Variants in SGCZ observed in about 807,000 individuals in gnomAD.
The protein encoded by SGCZ is zeta-sarcoglycan.
In SGCZ, 40 loss-of-function variants were observed where a neutral mutation model predicts 41.3. The ratio of observed to expected loss-of-function variants is 0.97; its 90% confidence interval spans 0.75 to 1.26. The LOEUF (loss-of-function observed/expected upper bound fraction) is 1.26, where lower values mean the gene tolerates loss of function less well. Among genes scored for constraint, SGCZ ranks in the 50% most tolerant of loss-of-function variants. The probability of loss-of-function intolerance (pLI) is 0.00; values close to 1 mark genes in which losing one functional copy is unlikely to be tolerated. For synonymous variants in SGCZ, 206 were observed against 137.5 expected (o/e 1.50, Z -3.49); for missense variants, 552 against 369.8 (o/e 1.49, Z -4.04).
At chr8:14,928,661 A>G (rs890941115) in intron 1 of SGCZ, among the ~76,000 whole-genome samples, 46 of 152,200 alleles carry the variant, frequency 3.0e-4, no homozygotes, top group African/African-American at 1.1e-3. Context: ...GTGGAAAATT[A>G]TTCCATTGTA....
chr8:14,515,731 A>G (rs1252017910), intron 2 of SGCZ, among the ~76,000 whole-genome samples: 1 of 152,110 alleles, frequency 6.6e-6, no homozygotes, highest in Non-Finnish European at 1.5e-5. Context: ...TTGAAATTCA[A>G]GGTGAACACT....
chr8:14,172,130 T>A (rs1804401461), intron 4 of SGCZ, among the ~76,000 whole-genome samples: 1 of 152,170 alleles, frequency 6.6e-6, no homozygotes, highest in Non-Finnish European at 1.5e-5. Flanking sequence ...AGCTCTTATA[T>A]AACAAATGAT....
At chr8:14,227,019 G>C (rs1384440140) in intron 4 of SGCZ, among the ~76,000 whole-genome samples, 1 of 151,988 alleles carries the variant, frequency 6.6e-6, no homozygotes, top group African/African-American at 2.4e-5. Flanking sequence ...GTGTGCTTTA[G>C]GTAGCTGATA....
chr8:15,196,013 T>C (rs1293853852), intron 1 of SGCZ, among the ~76,000 whole-genome samples: 1 of 142,068 alleles, frequency 7.0e-6, no homozygotes, highest in Non-Finnish European at 1.5e-5. Context: ...TTCTCCTGCC[T>C]CAGCCTCCCG....
chr8:14,620,693 C>G (rs1481425642), intron 1 of SGCZ, among the ~76,000 whole-genome samples: 1 of 152,194 alleles, frequency 6.6e-6, no homozygotes, highest in Non-Finnish European at 1.5e-5. Flanking sequence ...AAAAAATGCT[C>G]ATCATCACTT....
chr8:15,107,617 C>T (rs1563129604), intron 1 of SGCZ, among the ~76,000 whole-genome samples: 2 of 152,164 alleles, frequency 1.3e-5, no homozygotes, highest in African/African-American at 2.4e-5. Flanking sequence ...TCTTGAACTT[C>T]CCAGCCTGCA....
At chr8:14,794,260 C>G (rs2130478833) in intron 1 of SGCZ, among the ~76,000 whole-genome samples, 1 of 152,028 alleles carries the variant, frequency 6.6e-6, no homozygotes. Flanking sequence ...CCAAAGAAAA[C>G]AGTAAATAGT....
At chr8:15,226,070 C>T (rs1292226234) in intron 1 of SGCZ, among the ~76,000 whole-genome samples, 1 of 152,120 alleles carries the variant, frequency 6.6e-6, no homozygotes, top group African/African-American at 2.4e-5. Flanking sequence ...ATTACAAAGA[C>T]GTCTAAGCAA....
intron 1 of SGCZ, among the ~76,000 whole-genome samples, chr8:15,066,176 C>T (rs1159323523): frequency 6.6e-6 from 1 of 151,758 alleles, no homozygotes; most frequent in Non-Finnish European, 1.5e-5. Context: ...GGCGCGGTGG[C>T]GGGCGCCTGT....
chr8:14,343,881 A>G (rs532335305), intron 2 of SGCZ, among the ~76,000 whole-genome samples: 4 of 152,272 alleles, frequency 2.6e-5, no homozygotes, highest in African/African-American at 9.6e-5. Context: ...AATTAGTACT[A>G]AAGGGGAAAA....
At chr8:14,485,927 C>A (rs939110400) in intron 2 of SGCZ, among the ~76,000 whole-genome samples, 2 of 146,856 alleles carry the variant, frequency 1.4e-5, no homozygotes. Flanking sequence ...CTGCAAGCTC[C>A]GCTTCCCGGG....
intron 1 of SGCZ, among the ~76,000 whole-genome samples, chr8:15,179,092 C>T (rs186131572): frequency 6.5e-4 from 99 of 152,056 alleles, no homozygotes; most frequent in Non-Finnish European, 1.2e-3. Context: ...TTGCTGGGAA[C>T]AAACCTTCAG....
At chr8:14,127,593 C>G (rs910913242) in intron 5 of SGCZ, among the ~76,000 whole-genome samples, 5 of 151,826 alleles carry the variant, frequency 3.3e-5, no homozygotes, top group Admixed American at 6.6e-5. Flanking sequence ...GTAGCTGGGA[C>G]TACAGGCACC....
At chr8:14,956,856 A>T (rs1800810390) in intron 1 of SGCZ, among the ~76,000 whole-genome samples, 1 of 152,190 alleles carries the variant, frequency 6.6e-6, no homozygotes, top group South Asian at 2.1e-4. Flanking sequence ...ACTTTTTAGA[A>T]AGAGTAATGA....
At chr8:14,321,508 T>C (rs540509841) in intron 3 of SGCZ, among the ~76,000 whole-genome samples, 2 of 151,254 alleles carry the variant, frequency 1.3e-5, no homozygotes, top group Non-Finnish European at 3.0e-5. Context: ...TTATTATCTT[T>C]CCATGTGTAG....
intron 2 of SGCZ, among the ~76,000 whole-genome samples, chr8:14,513,323 C>T (rs1802518982): frequency 6.6e-6 from 1 of 152,070 alleles, no homozygotes. Flanking sequence ...CAAGCATGAG[C>T]CACAGTGCCA....
At chr8:14,230,446 A>G (rs144408150) in intron 4 of SGCZ, among the ~76,000 whole-genome samples, 1 of 152,222 alleles carries the variant, frequency 6.6e-6, no homozygotes, top group African/African-American at 2.4e-5. Flanking sequence ...AAATACTCAT[A>G]TTCCCCACAG....
At chr8:14,490,080 C>T (rs551185723) in intron 2 of SGCZ, among the ~76,000 whole-genome samples, 1 of 152,130 alleles carries the variant, frequency 6.6e-6, no homozygotes, top group Admixed American at 6.6e-5. Flanking sequence ...GTTGGTCAGG[C>T]TGGTCTCAAA....
At chr8:15,170,737 T>C (rs1203545301) in intron 1 of SGCZ, among the ~76,000 whole-genome samples, 1 of 152,238 alleles carries the variant, frequency 6.6e-6, no homozygotes, top group Non-Finnish European at 1.5e-5. Flanking sequence ...TTAGTATCTT[T>C]GTATATAGTC....
Sources: gnomAD v4.1 joint callset for allele counts (sites outside exome capture counted in the v4.1 genomes callset) on GRCh38, gnomAD v4.1.1 for gene constraint, MANE v1.5 for transcripts, NCBI Gene and HGNC (gene_info 2026-07-23, HGNC 2026-07-21) for gene names.